COG5: variants seen among roughly 807,000 people sequenced by gnomAD.
The protein encoded by COG5 is conserved oligomeric Golgi complex subunit 5.
In COG5, 86 loss-of-function variants were observed where a neutral mutation model predicts 110.4. The observed-to-expected ratio is 0.78, with a 90% CI of 0.65 to 0.93. The LOEUF is 0.93. COG5 is among the 40% of genes least tolerant of loss of function. The probability of loss-of-function intolerance (pLI) is 0.00; values close to 1 mark genes in which losing one functional copy is unlikely to be tolerated. For missense variants in COG5, 1,077 were observed against 987.0 expected, an observed-to-expected ratio of 1.09 and a Z score of -1.22; for synonymous variants, 360 against 334.6, an observed-to-expected ratio of 1.08 and a Z score of -0.83.
intron 10 of COG5, among the ~76,000 whole-genome samples, chr7:107,350,196 C>T (rs542930818): frequency 1.4e-4 from 22 of 152,176 alleles, no homozygotes; most frequent in African/African-American, 5.1e-4. Flanking sequence ...ATATTAAAAC[C>T]TCATTGGATC....
chr7:107,347,853 G>A (rs1041294884), intron 10 of COG5, among the ~76,000 whole-genome samples: 8 of 152,084 alleles, frequency 5.3e-5, no homozygotes, highest in East Asian at 1.9e-4. Context: ...AAGGCCAGGC[G>A]CAGTGGCTCA....
intron 11 of COG5, among the ~76,000 whole-genome samples, chr7:107,314,826 TCTGCC>T (rs1808587884): frequency 6.6e-6 from 1 of 152,174 alleles, no homozygotes; most frequent in South Asian, 2.1e-4. Flanking sequence ...TCAAATTTGT[TCTGCC>T]AAACAGAACA....
At chr7:107,288,937 TATATATATATATATATATATATATA>T in intron 12 of COG5, among the ~76,000 whole-genome samples, 1 of 120,606 alleles carries the variant, frequency 8.3e-6, no homozygotes. Context: ...TATATATATA[TATATATATATATATATATATATATA>T]TTTAAAAATT....
chr7:107,437,361 T>C (rs1376428880), intron 6 of COG5, among the ~76,000 whole-genome samples: 8 of 152,186 alleles, frequency 5.3e-5, no homozygotes, highest in Admixed American at 5.2e-4. Flanking sequence ...TTTGGCATCA[T>C]TTTAAAACAA....
intron 19 of COG5, among the ~76,000 whole-genome samples, chr7:107,224,538 C>T (rs1800180324): frequency 6.6e-6 from 1 of 152,170 alleles, no homozygotes; most frequent in South Asian, 2.1e-4. Context: ...GACAAGCTGT[C>T]CCTTCAGGAG....
chr7:107,508,792 G>A (rs1464051547), intron 6 of COG5, among the ~76,000 whole-genome samples: 1 of 152,176 alleles, frequency 6.6e-6, no homozygotes, highest in Non-Finnish European at 1.5e-5. Flanking sequence ...AACAGGGTCT[G>A]GAGTGGACCT....
At position 107,203,309 on chromosome 7, in the gene COG5, G is replaced by T. The variant is rs1041885692; in HGVS notation, c.*207C>A. 3.4e-6 allele frequency: 2 copies of T among 584,176 alleles called. No individual in the cohort carries two copies. The highest frequency in any genetic ancestry group is 5.9e-5 in the Admixed American group (2 of 33,986). The allele number at this position is 584,176 out of a possible 1,614,324, so 36.2% of individuals were successfully genotyped here. A position where few individuals can be genotyped will look rare whatever the true frequency, so the allele number is the denominator to read the frequency against. ...GAAAACATCTTTCTGGAAAAATCAG[G>T]TCCATGGAATTGAAAGGTGGTGATA... On this transcript the variant is annotated 3_prime_UTR_variant, in exon 22 of 22. Transcript: ENST00000297135.
chr7:107,346,738 A>G (rs1265785723), intron 10 of COG5, among the ~76,000 whole-genome samples: 1 of 151,952 alleles, frequency 6.6e-6, no homozygotes, highest in African/African-American at 2.4e-5. Context: ...GTTCTAGGGT[A>G]CATGTGCACA....
intron 5 of COG5, among the ~76,000 whole-genome samples, chr7:107,544,292 C>T (rs966988417): frequency 5.3e-5 from 8 of 152,136 alleles, no homozygotes; most frequent in Admixed American, 4.6e-4. Context: ...GTCCCAGGTG[C>T]CAGCAACTGG....
chr7:107,209,140 C>CACCTG, intron 21 of COG5: 1 of 985,530 alleles, frequency 1.0e-6, no homozygotes, highest in Non-Finnish European at 1.2e-6. Context: ...CATCACCTGA[C>CACCTG]ACAGGCTAAC....
At chr7:107,241,694 C>T (rs751682669) in intron 17 of COG5, among the ~76,000 whole-genome samples, 65 of 152,070 alleles carry the variant, frequency 4.3e-4, no homozygotes, top group Admixed American at 1.9e-3. Flanking sequence ...CCTCGTGATC[C>T]GCCCGTCTCG....
At chr7:107,283,420 G>A (rs539998756) in intron 13 of COG5, 151 bp downstream of exon 13, 1 of 635,702 alleles carries the variant, frequency 1.6e-6, no homozygotes, top group Admixed American at 2.9e-5. Context: ...TACTTACTAT[G>A]TGTGCACTCA....
chr7:107,412,558 G>A lies in COG5; in HGVS notation c.613C>T (p.Arg205Ter), dbSNP rs370851836. ...TTAGCTTGATTTTCCACTTCAAGTC[G>A]GGCTCTTGCAATAAAAAGTAGATCA... ...ENDLLFIARA[R>*]LEVENQAKRL... Residue 205 changes from arginine to a stop codon, truncating the protein, a stop_gained, in exon 7 of 22, where the codon CGA becomes TGA. Transcript: ENST00000297135. LOFTEE classifies it high-confidence loss of function. The A allele has an allele frequency of 1.5e-5, 24 of 1,611,562 alleles. No individual in the cohort carries two copies. The highest frequency in any genetic ancestry group is 1.2e-4 in the Admixed American group (7 of 59,908).
chr7:107,530,954 C>T (rs1348291514), intron 5 of COG5, among the ~76,000 whole-genome samples: 1 of 152,102 alleles, frequency 6.6e-6, no homozygotes, highest in Non-Finnish European at 1.5e-5. Flanking sequence ...TGTGAGCCAC[C>T]ACAGAAGCCC....
chr7:107,505,046 T>C (rs1049976223), intron 6 of COG5, among the ~76,000 whole-genome samples: 2 of 152,196 alleles, frequency 1.3e-5, no homozygotes, highest in African/African-American at 4.8e-5. Flanking sequence ...AGTAGCAATA[T>C]GTTGGTCATG....
chr7:107,519,037 T>G (rs929754421), intron 6 of COG5, among the ~76,000 whole-genome samples: 1 of 152,028 alleles, frequency 6.6e-6, no homozygotes, highest in Non-Finnish European at 1.5e-5. Flanking sequence ...GAACAACCGC[T>G]CCTAAATGAC....
chr7:107,240,310 G>A (rs1323481574), intron 17 of COG5, among the ~76,000 whole-genome samples: 4 of 152,090 alleles, frequency 2.6e-5, no homozygotes, highest in Non-Finnish European at 5.9e-5. Flanking sequence ...CTGCCTCCAG[G>A]GTTCAAGCGA....
rs765410505 is a variant in COG5, at chr7:107,248,519, A to C, written c.1750-20T>G. 6 of 1,519,386 alleles carry C rather than the reference A, an allele frequency of 3.9e-6. No homozygotes were observed. The highest frequency in any genetic ancestry group is 1.4e-5 in the African/African-American group (1 of 72,454). The allele number at this position is 1,519,386 out of a possible 1,614,324, so 94.1% of individuals were successfully genotyped here. A position where few individuals can be genotyped will look rare whatever the true frequency, so the allele number is the denominator to read the frequency against. ...AATAGCCTAAAAAAAAAAAAGAAAG[A>C]AAAAAAAGAAGAGGCAAGATTAAAG... On this transcript the variant is annotated intron_variant, in intron 16 of 21. Transcript: ENST00000297135.
At chr7:107,535,517 A>T (rs1477288195) in intron 5 of COG5, among the ~76,000 whole-genome samples, 1 of 148,434 alleles carries the variant, frequency 6.7e-6, no homozygotes. Context: ...CTACCATCAC[A>T]GAATACCATA....
Sources: allele counts gnomAD v4.1 joint callset (sites outside exome capture counted in the v4.1 genomes callset), GRCh38; gene constraint gnomAD v4.1.1; transcripts MANE v1.5; gene names NCBI Gene and HGNC (gene_info 2026-07-23, HGNC 2026-07-21).